Variants in WASHC5 observed in about 807,000 individuals in gnomAD.
The protein encoded by WASHC5 is WASH complex subunit 5.
In WASHC5, 101 loss-of-function variants were observed where a neutral mutation model predicts 150.4. The ratio of observed to expected loss-of-function variants is 0.67; its 90% CI spans 0.57 to 0.79. The LOEUF is 0.79. Ranked by LOEUF, WASHC5 falls within the 30% of genes least tolerant of loss-of-function variation. The pLI, the probability that WASHC5 is intolerant of heterozygous loss-of-function variation, is 0.00. For synonymous variants in WASHC5, 467 were observed against 491.2 expected, an observed-to-expected ratio of 0.95 and a Z score of 0.65; for missense variants, 1,195 against 1,396.3, an observed-to-expected ratio of 0.86 and a Z score of 2.30.
At chr8:125,084,110 AC>A (rs1400207429) in intron 1 of WASHC5, 88 bp from the exon 2 acceptor site, 4 of 553,750 alleles carry the variant, frequency 7.2e-6, no homozygotes, top group African/African-American at 5.7e-5. Flanking sequence ...TCCCAAACTC[AC>A]TAAAAAAATT....
chr8:125,056,569 C>T (rs946357609), intron 16 of WASHC5, 108 bp downstream of exon 16: 2 of 1,262,864 alleles, frequency 1.6e-6, no homozygotes, highest in East Asian at 2.3e-5. Context: ...GACAACAAGT[C>T]AGAATTGGTC....
intron 6 of WASHC5, 128 bp from the exon 7 acceptor site, chr8:125,076,628 A>C: frequency 2.0e-6 from 2 of 1,023,248 alleles, no homozygotes; most frequent in Non-Finnish European, 3.0e-6. Context: ...AGGATCCTGG[A>C]CACTGGAAGC....
In WASHC5 at chr8:125,024,650, A is replaced by G; in HGVS notation, c.3447T>C (p.Asn1149=). 1 of 1,611,458 alleles carries G rather than the reference A, an allele frequency of 6.2e-7. No individual in the cohort carries two copies. Among genetic ancestry groups the G allele is most frequent in the Non-Finnish European group, 8.5e-7 (1 of 1,177,598 alleles). The part of the protein sequence containing the change: ...PRRVAEAHVP[N]FIFDEFRTVL ...CTGTTCTGAACTCATCAAAAATGAA[A>G]TTAGGCACATGTGCTTCAGCAACCT... Residue 1149 remains asparagine, a synonymous_variant, in exon 29 of 29, where the codon AAT becomes AAC. Transcript: ENST00000318410.
chr8:125,086,944 G>C (rs1003795999), intron 1 of WASHC5, among the ~76,000 whole-genome samples: 1 of 152,212 alleles, frequency 6.6e-6, no homozygotes, highest in Non-Finnish European at 1.5e-5. Flanking sequence ...AGCTCTTTAA[G>C]TCTTCCTAGC....
chr8:125,035,527 T>C (rs952433570), intron 26 of WASHC5, among the ~76,000 whole-genome samples: 1 of 152,222 alleles, frequency 6.6e-6, no homozygotes, highest in South Asian at 2.1e-4. Context: ...GCCCTTTAAA[T>C]TGATTTTGAC....
In WASHC5 at chr8:125,086,329, G is replaced by T. The variant is rs888736752; in HGVS notation, c.-124-2307C>A. ...TTGCTCATTTCTTTGTATAGAGATGGGAGTCTCACTATGTAGCCCAGGGGA... is the reference window on the plus strand; with the variant it reads ...TTGCTCATTTCTTTGTATAGAGATGTGAGTCTCACTATGTAGCCCAGGGGA... On this transcript the variant is annotated intron_variant, in intron 1 of 28. Transcript: ENST00000318410. Among the ~76,000 whole-genome samples the T allele has an allele frequency of 2.0e-5, 3 of 152,056 alleles. No homozygotes were observed. In the South Asian group the frequency reaches 6.2e-4, roughly 32 times the overall value.
intron 14 of WASHC5, 94 bp from the exon 15 acceptor site, chr8:125,057,760 G>C (rs1382804302): frequency 8.6e-6 from 7 of 809,588 alleles, no homozygotes; most frequent in Non-Finnish European, 1.4e-5. Context: ...AAAACATTTG[G>C]GTTTTACCCA....
chr8:125,063,513 A>T lies in WASHC5; in HGVS notation c.1408+9T>A. 6.2e-7 allele frequency: 1 copy of T among 1,613,592 alleles called. No homozygotes were observed. Among genetic ancestry groups the T allele is most frequent in the Non-Finnish European group, 8.5e-7 (1 of 1,179,602 alleles). On this transcript the variant is annotated intron_variant, in intron 11 of 28. Coordinates refer to ENST00000318410, the MANE Select transcript of WASHC5 (RefSeq NM_014846.4). ...CCAAACACACCAGTATTTCCTCTTC[A>T]GTAATTACCATTTTTCTCCACTCTG... is the stretch of plus-strand genomic sequence containing the variant.
chr8:125,080,030 C>A (rs1231576296), intron 5 of WASHC5, among the ~76,000 whole-genome samples: 1 of 152,140 alleles, frequency 6.6e-6, no homozygotes, highest in South Asian at 2.1e-4. Context: ...CTACAGAGAT[C>A]TAATAAACAG....
intron 6 of WASHC5, among the ~76,000 whole-genome samples, chr8:125,076,742 CT>C (rs1279627760): frequency 1.4e-5 from 1 of 72,340 alleles, no homozygotes; most frequent in Non-Finnish European, 2.2e-5. Flanking sequence ...TAAGTCTTTT[CT>C]TAAAAAAAAA....
chr8:125,025,458 G>A (rs1815351573), intron 28 of WASHC5, among the ~76,000 whole-genome samples: 1 of 152,162 alleles, frequency 6.6e-6, no homozygotes, highest in South Asian at 2.1e-4. Context: ...GGGAGGCTGA[G>A]GTGGGTGGAT....
At chr8:125,075,543 G>A (rs1817031032) in intron 7 of WASHC5, among the ~76,000 whole-genome samples, 1 of 152,030 alleles carries the variant, frequency 6.6e-6, no homozygotes, top group Non-Finnish European at 1.5e-5. Flanking sequence ...TAGTATCATG[G>A]TCAAAACTTC....
At chr8:125,079,142 A>ATATATATATATATAC (rs1312566224) in intron 5 of WASHC5, among the ~76,000 whole-genome samples, 118 of 108,070 alleles carry the variant, frequency 1.1e-3, no homozygotes, top group African/African-American at 6.4e-3. Flanking sequence ...ATATATATAC[A>ATATATATATATATAC]TTTTTTTTTG....
At chr8:125,031,654 T>C (rs1478739535) in intron 27 of WASHC5, among the ~76,000 whole-genome samples, 1 of 152,126 alleles carries the variant, frequency 6.6e-6, no homozygotes, top group African/African-American at 2.4e-5. Context: ...CCCTTTAGGA[T>C]AGCAGAGAAG....
intron 17 of WASHC5, among the ~76,000 whole-genome samples, chr8:125,054,358 C>A (rs1184760781): frequency 6.6e-6 from 1 of 152,176 alleles, no homozygotes; most frequent in Non-Finnish European, 1.5e-5. Flanking sequence ...AGCACATGCA[C>A]ACATCAAATA....
At chr8:125,076,267 C>A in intron 7 of WASHC5, 81 bp downstream of exon 7, 2 of 1,302,916 alleles carry the variant, frequency 1.5e-6, no homozygotes, top group African/African-American at 1.5e-5. Context: ...AACATTACAA[C>A]CTGTGGGTTA....
chr8:125,058,160 C>T (rs1423765549), intron 14 of WASHC5, among the ~76,000 whole-genome samples: 1 of 151,306 alleles, frequency 6.6e-6, no homozygotes, highest in Non-Finnish European at 1.5e-5. Flanking sequence ...ATTTTATGTG[C>T]CATTCAGAAA....
chr8:125,055,520 G>C, intron 17 of WASHC5, 71 bp downstream of exon 17: 1 of 892,750 alleles, frequency 1.1e-6, no homozygotes, highest in South Asian at 1.3e-5. Flanking sequence ...TTGCACACAT[G>C]ATAATTACCA....
At chr8:125,071,693 C>T (rs187568945) in intron 9 of WASHC5, among the ~76,000 whole-genome samples, 6 of 152,302 alleles carry the variant, frequency 3.9e-5, no homozygotes, top group African/African-American at 1.4e-4. Flanking sequence ...GTTTGACACA[C>T]CTGGTGTCTG....
Sources: gnomAD v4.1 joint callset for allele counts (sites outside exome capture counted in the v4.1 genomes callset) on GRCh38, gnomAD v4.1.1 for gene constraint, MANE v1.5 for transcripts, NCBI Gene and HGNC (gene_info 2026-07-23, HGNC 2026-07-21) for gene names.